The following PRKCD variants were observed in gnomAD, a reference collection of about 807,000 sequenced individuals.
PRKCD encodes protein kinase C delta.
A neutral mutation model predicts 82.2 loss-of-function variants in PRKCD; 20 were observed. The ratio of observed to expected loss-of-function variants is 0.24; its 90% CI spans 0.17 to 0.35. The LOEUF (loss-of-function observed/expected upper bound fraction) is 0.35. PRKCD is among the 10% of genes least tolerant of loss of function. The pLI is 1.00. For missense variants in PRKCD, 607 were observed against 899.0 expected (o/e 0.68, Z 4.15); for synonymous variants, 317 against 337.0 (o/e 0.94, Z 0.65).
At chr3:53,167,930 A>G (rs533717354) in intron 2 of PRKCD, among the ~76,000 whole-genome samples, 39 of 152,164 alleles carry the variant, frequency 2.6e-4, no homozygotes, top group Non-Finnish European at 5.1e-4. Context: ...GAGCAGCTCC[A>G]CCCACTCAGC....
chr3:53,172,720 T>C (rs1703080023), intron 2 of PRKCD, among the ~76,000 whole-genome samples: 1 of 152,208 alleles, frequency 6.6e-6, no homozygotes, highest in Non-Finnish European at 1.5e-5. Context: ...AACTGGTCTT[T>C]CATTGCCCTT....
At chr3:53,167,040 T>A (rs1463648705) in intron 2 of PRKCD, among the ~76,000 whole-genome samples, 1 of 152,204 alleles carries the variant, frequency 6.6e-6, no homozygotes, top group Non-Finnish European at 1.5e-5. Flanking sequence ...GGAGTGGAGT[T>A]GCTGGGCTCT....
At chr3:53,187,229 T>C in intron 14 of PRKCD, 111 bp from the exon 15 acceptor site, 3 of 1,175,672 alleles carry the variant, frequency 2.6e-6, no homozygotes, top group Non-Finnish European at 3.8e-6. Context: ...AGGTGGTCCA[T>C]GGAGTTATTT....
chr3:53,177,762 C>T (rs1575531725), intron 2 of PRKCD, among the ~76,000 whole-genome samples: 5 of 152,054 alleles, frequency 3.3e-5, no homozygotes, highest in Admixed American at 3.3e-4. Context: ...ATGCAAATGC[C>T]ACCAGGGCCC....
Position 53,185,715 on chromosome 3 carries a change from A to G in PRKCD, c.985+15A>G. On this transcript the variant is annotated intron_variant, in intron 11 of 18. Coordinates refer to ENST00000330452, the MANE Select transcript of PRKCD (RefSeq NM_006254.4). ...GGACATGCAAGGTGAAGCTGGGTCC[A>G]TTGCCCCATTACGGTTTTTATTCCC... The G allele has an allele frequency of 1.2e-6, 2 of 1,610,894 alleles. No homozygotes were observed. The highest frequency in any genetic ancestry group is 1.7e-4 in the Middle Eastern group (1 of 6,058).
rs1477567912 is a variant in PRKCD at position 53,186,635 on chromosome 3, A to G, written c.1292A>G (p.Asn431Ser). 37 of 1,613,764 alleles carry G rather than the reference A, an allele frequency of 2.3e-5. No individual in the cohort carries two copies. Among genetic ancestry groups the G allele is most frequent in the Non-Finnish European group, 2.9e-5 (34 of 1,179,866 alleles). ...CTGTTCTTTGTGATGGAGTTCCTCA[A>G]CGGGGGGGACCTGATGTACCACATC... is the stretch of plus-strand genomic sequence containing the variant. Reference protein sequence around the residue: ...DHLFFVMEFLNGGDLMYHIQD... With the variant: ...DHLFFVMEFLSGGDLMYHIQD... The change falls in exon 14 of 19, where the codon AAC becomes AGC. Residue 431 changes from asparagine (N) to serine (S), a missense_variant. By Grantham distance (46) the Asn-to-Ser change is conservative. Coordinates refer to ENST00000330452, the MANE Select transcript of PRKCD (RefSeq NM_006254.4).
chr3:53,183,096 C>G, intron 7 of PRKCD, 25 bp from the exon 8 acceptor site: 1 of 1,613,092 alleles, frequency 6.2e-7, no homozygotes, highest in Non-Finnish European at 8.5e-7. Flanking sequence ...TTCCCTTCCC[C>G]CTCCTGGGCC....
chr3:53,164,197 A>G (rs905646924), intron 1 of PRKCD, among the ~76,000 whole-genome samples: 8 of 152,198 alleles, frequency 5.3e-5, no homozygotes, highest in Non-Finnish European at 8.8e-5. Context: ...TCTTCCTCCC[A>G]GGATATCTCC....
intron 3 of PRKCD, among the ~76,000 whole-genome samples, 167 bp downstream of exon 3, chr3:53,178,704 A>C (rs577571872): frequency 1.6e-4 from 24 of 152,380 alleles, no homozygotes; most frequent in South Asian, 4.1e-4. Flanking sequence ...CTGAGTCGCT[A>C]TAGGGCTGCA....
At chr3:53,170,239 T>C (rs1019254851) in intron 2 of PRKCD, among the ~76,000 whole-genome samples, 2 of 152,154 alleles carry the variant, frequency 1.3e-5, no homozygotes, top group South Asian at 2.1e-4. Context: ...CCTCACCCCA[T>C]TGGAGGCCAG....
intron 15 of PRKCD, among the ~76,000 whole-genome samples, chr3:53,187,912 C>T (rs551040198): frequency 3.9e-5 from 6 of 152,152 alleles, no homozygotes; most frequent in African/African-American, 7.2e-5. Context: ...GGAGACTGAG[C>T]GCGATGGCTC....
rs546041979 is a variant in PRKCD, at chr3:53,186,462, C to G, written c.1260+122C>G. 3.6e-4 allele frequency: 499 copies of G among 1,395,920 alleles called. 4 individuals carry two copies. The African/African-American group carries it at 6.4e-3, about 18-fold the overall frequency. 86.5% of individuals were successfully genotyped at this position (1,395,920 alleles called of 1,614,324 possible). A position where few individuals can be genotyped will look rare whatever the true frequency, so the allele number is the denominator to read the frequency against. The stretch of plus-strand genomic sequence containing the variant: ...CTTAAGGCAGGGCCATGCTTTCCCC[C>G]CTCATGCCTCCCAGGGCAGAGTCGT... On this transcript the variant is annotated intron_variant, in intron 13 of 18. Transcript: ENST00000330452.
At chr3:53,170,849 G>T (rs759302094) in intron 2 of PRKCD, among the ~76,000 whole-genome samples, 38 of 152,326 alleles carry the variant, frequency 2.5e-4, no homozygotes, top group Admixed American at 3.9e-4. Context: ...GGCACTCCAC[G>T]TGCGTGTGGA....
At chr3:53,181,415 G>A in intron 5 of PRKCD, 29 bp from the exon 6 acceptor site, 1 of 1,613,900 alleles carries the variant, frequency 6.2e-7, no homozygotes, top group Non-Finnish European at 8.5e-7. Context: ...CAGATACCAG[G>A]GCTGACTTCC....
At chr3:53,179,466 G>A in intron 3 of PRKCD, 111 bp from the exon 4 acceptor site, 1 of 1,392,570 alleles carries the variant, frequency 7.2e-7, no homozygotes, top group Non-Finnish European at 1.0e-6. Flanking sequence ...ACCACAGCAG[G>A]CCCTCAAGGC....
At chr3:53,181,775 G>A in intron 7 of PRKCD, 43 bp downstream of exon 7, 1 of 1,613,722 alleles carries the variant, frequency 6.2e-7, no homozygotes. Flanking sequence ...GTACCCATGT[G>A]TGCTCACGTG....
chr3:53,168,744 TCGGGAACTGAA>T (rs1702915315), intron 2 of PRKCD, among the ~76,000 whole-genome samples: 1 of 150,168 alleles, frequency 6.7e-6, no homozygotes, highest in East Asian at 2.0e-4. Context: ...ACTGGCTGCT[TCGGGAACTGAA>T]AGGGGTCAGC....
At chr3:53,178,339 T>G in intron 2 of PRKCD, 65 bp from the exon 3 acceptor site, 1 of 1,057,574 alleles carries the variant, frequency 9.5e-7, no homozygotes, top group Non-Finnish European at 1.4e-6. Context: ...GGTCCCTGAG[T>G]GCTGCCCGTG....
chr3:53,179,760 G>A lies in PRKCD; in HGVS notation c.299G>A (p.Gly100Asp), dbSNP rs1703360583. 6.4e-7 allele frequency: 1 copy of A among 1,566,544 alleles called. No homozygotes were observed. Among genetic ancestry groups the A allele is most frequent in the Non-Finnish European group, 8.7e-7 (1 of 1,154,510 alleles). Residue 100 changes from glycine to aspartate, a missense_variant, in exon 4 of 19, where the codon GGC becomes GAC. Transcript: ENST00000330452. ...VLAERCKKNN[G>D]KAEFWLDLQP... ...GCCGAGCGCTGCAAGAAGAACAATG[G>A]CAAGGCTGAGTTCTGGGTAAGGGGC... is the stretch of plus-strand genomic sequence containing the variant.
Sources: allele counts gnomAD v4.1 joint callset (sites outside exome capture counted in the v4.1 genomes callset), GRCh38; gene constraint gnomAD v4.1.1; transcripts MANE v1.5; gene names NCBI Gene and HGNC (gene_info 2026-07-23, HGNC 2026-07-21).